The following SGK1 variants were observed in gnomAD, a reference collection of about 807,000 sequenced individuals.
SGK1 encodes the protein serine/threonine-protein kinase Sgk1.
In SGK1, 26 loss-of-function variants were observed where a neutral mutation model predicts 64.2. The ratio of observed to expected loss-of-function variants is 0.40; its 90% CI spans 0.30 to 0.56. The LOEUF is 0.56. Ranked by LOEUF, SGK1 falls within the 20% of genes least tolerant of loss-of-function variation. The probability of loss-of-function intolerance (pLI) is 0.38; values close to 1 mark genes in which losing one functional copy is unlikely to be tolerated. For synonymous variants in SGK1, 265 were observed against 239.7 expected (o/e 1.11, Z -0.98); for missense variants, 519 against 645.6 (o/e 0.80, Z 2.12).
At chr6:134,194,680 C>T (rs1409379626) in intron 3 of SGK1, among the ~76,000 whole-genome samples, 2 of 152,086 alleles carry the variant, frequency 1.3e-5, no homozygotes, top group Non-Finnish European at 2.9e-5. Context: ...CACCACCATA[C>T]CTGGCTAATT....
intron 2 of SGK1, among the ~76,000 whole-genome samples, chr6:134,249,134 T>C (rs771476584): frequency 6.6e-6 from 1 of 152,196 alleles, no homozygotes; most frequent in Non-Finnish European, 1.5e-5. Context: ...ATATTTATCC[T>C]TAACAAGGTC....
chr6:134,213,654 T>TAAATAATAAATAAAC lies in SGK1; in HGVS notation c.286-6224_286-6223insGTTTATTTATTATTT, dbSNP rs1288854967. 9.3e-5 allele frequency among the ~76,000 whole-genome samples: 14 copies of TAAATAATAAATAAAC among 150,286 alleles called. 1 individual carries two copies. The highest frequency in any genetic ancestry group is 7.8e-4 in the East Asian group (4 of 5,136). ...AATAAATAAATAAATAATAAATAAATAAAATGTCCTCATGAAACACCTGTG... is the reference window on the plus strand; with the variant it reads ...AATAAATAAATAAATAATAAATAAATAAATAATAAATAAACAAAATGTCCTCATGAAACACCTGTG... On this transcript the variant is annotated intron_variant, in intron 2 of 13. Coordinates refer to ENST00000367858, the MANE Select transcript of SGK1 (RefSeq NM_001143676.3).
chr6:134,174,095 G>C lies in SGK1; in HGVS notation c.438-15C>G. Reference sequence around the variant, plus strand: ...GAACTTCAGGGCTGCAGGGAATAAAGGGCACGATTTAGAATCCAGCTCGCC... The same window carrying C: ...GAACTTCAGGGCTGCAGGGAATAAACGGCACGATTTAGAATCCAGCTCGCC... On this transcript the variant is annotated splice_polypyrimidine_tract_variant and intron_variant, in intron 4 of 13. Coordinates refer to ENST00000367858, the MANE Select transcript of SGK1 (RefSeq NM_001143676.3). 1.2e-6 allele frequency: 2 copies of C among 1,606,032 alleles called. No individual in the cohort carries two copies. The highest frequency in any genetic ancestry group is 8.5e-7 in the Non-Finnish European group (1 of 1,175,554).
intron 1 of SGK1, among the ~76,000 whole-genome samples, chr6:134,310,648 C>A (rs1010564317): frequency 6.6e-6 from 1 of 152,194 alleles, no homozygotes; most frequent in Non-Finnish European, 1.5e-5. Context: ...AGTACAATGG[C>A]GTGATCTTGG....
At chr6:134,263,677 AT>A (rs1417508576) in intron 1 of SGK1, among the ~76,000 whole-genome samples, 1 of 152,200 alleles carries the variant, frequency 6.6e-6, no homozygotes, top group Non-Finnish European at 1.5e-5. Flanking sequence ...GTATAAAGCT[AT>A]TCTAATATTA....
chr6:134,274,747 C>T (rs1050655673), intron 1 of SGK1, among the ~76,000 whole-genome samples: 3 of 150,398 alleles, frequency 2.0e-5, no homozygotes, highest in African/African-American at 7.3e-5. Flanking sequence ...TGTATCTTCT[C>T]GATTCCTAAA....
intron 3 of SGK1, among the ~76,000 whole-genome samples, chr6:134,196,997 C>G (rs780414299): frequency 6.6e-6 from 1 of 152,154 alleles, no homozygotes; most frequent in Non-Finnish European, 1.5e-5. Flanking sequence ...CTTCAGGAGG[C>G]TGAGGCGGAC....
Position 134,170,402 on chromosome 6 carries a change from C to A in SGK1, c.1447G>T (p.Glu483Ter). 6.2e-7 allele frequency: 1 copy of A among 1,613,720 alleles called. No individual in the cohort carries two copies. Among genetic ancestry groups the A allele is most frequent in the Non-Finnish European group, 8.5e-7 (1 of 1,179,786 alleles). Reference protein sequence around the residue: ...GPNDLRHFDPEFTEEPVPNSI... With the variant: ...GPNDLRHFDP ...TTGGGGACAGGCTCTTCGGTAAACT[C>A]GGGGTCAAAGTGCCGTAGGTCGTTG... Residue 483 changes from glutamate (E) to a stop codon, truncating the protein, a stop_gained, in exon 14 of 14, where the codon GAG becomes TAG. Coordinates refer to ENST00000367858, the MANE Select transcript of SGK1 (RefSeq NM_001143676.3). LOFTEE classifies it high-confidence loss of function.
chr6:134,229,990 A>G (rs558766782), intron 2 of SGK1, among the ~76,000 whole-genome samples: 1 of 152,354 alleles, frequency 6.6e-6, no homozygotes, highest in East Asian at 1.9e-4. Flanking sequence ...TATGCAAAAA[A>G]TAAAATAAAT....
intron 2 of SGK1, among the ~76,000 whole-genome samples, chr6:134,226,148 A>C (rs909229436): frequency 1.3e-5 from 2 of 151,588 alleles, no homozygotes; most frequent in Non-Finnish European, 2.9e-5. Flanking sequence ...GAAGGAAGGA[A>C]GGAAGAAGAA....
intron 1 of SGK1, among the ~76,000 whole-genome samples, chr6:134,299,622 T>C (rs1777415658): frequency 6.6e-6 from 1 of 152,036 alleles, no homozygotes; most frequent in South Asian, 2.1e-4. Context: ...TGACATACAG[T>C]AAAACTCATA....
chr6:134,264,158 G>A (rs1342923187), intron 1 of SGK1, among the ~76,000 whole-genome samples: 1 of 138,546 alleles, frequency 7.2e-6, no homozygotes, highest in Non-Finnish European at 1.5e-5. Flanking sequence ...TCGCTCTGTT[G>A]CCCCTGGCTG....
intron 3 of SGK1, among the ~76,000 whole-genome samples, chr6:134,178,432 G>A (rs1050443627): frequency 1.3e-4 from 20 of 152,152 alleles, no homozygotes; most frequent in Admixed American, 1.3e-3. Context: ...AGGGGGAGAC[G>A]GGGGAGCTGT....
chr6:134,184,720 G>A (rs372255838), intron 3 of SGK1, among the ~76,000 whole-genome samples: 1 of 152,054 alleles, frequency 6.6e-6, no homozygotes, highest in Non-Finnish European at 1.5e-5. Flanking sequence ...GTCTTGTTCT[G>A]TCCCGCAGTC....
chr6:134,192,575 A>G (rs926189967), intron 3 of SGK1, among the ~76,000 whole-genome samples: 1 of 150,920 alleles, frequency 6.6e-6, no homozygotes, highest in Admixed American at 6.6e-5. Context: ...TCGTCTTCCT[A>G]CCTCCCTCCC....
At chr6:134,235,836 A>C (rs1461769710) in intron 2 of SGK1, among the ~76,000 whole-genome samples, 1 of 152,082 alleles carries the variant, frequency 6.6e-6, no homozygotes, top group East Asian at 1.9e-4. Flanking sequence ...CGGTCTCCCA[A>C]AGTGCTGGGA....
chr6:134,171,224 A>G (rs1775012386), intron 11 of SGK1, 46 bp from the exon 12 acceptor site: 2 of 1,547,536 alleles, frequency 1.3e-6, no homozygotes, highest in Non-Finnish European at 1.8e-6. Context: ...GAAGTTTCAT[A>G]TGGCACACAT....
At chr6:134,189,737 G>A (rs1763504) in intron 3 of SGK1, among the ~76,000 whole-genome samples, 83,487 of 152,096 alleles carry the variant, frequency 0.55, 23,603 homozygotes, top group African/African-American at 0.61. Context: ...ATTATATACT[G>A]ACATAAATCC....
At position 134,172,653 on chromosome 6, in the gene SGK1, C is replaced by CAGGCTT; in HGVS notation, c.947+3_947+8dup. The CAGGCTT allele has an allele frequency of 6.4e-7, 1 of 1,571,008 alleles. No individual in the cohort carries two copies. Among genetic ancestry groups the CAGGCTT allele is most frequent in the Non-Finnish European group, 8.8e-7 (1 of 1,140,566 alleles). On this transcript the variant is annotated intron_variant, in intron 9 of 13. Coordinates refer to ENST00000367858, the MANE Select transcript of SGK1 (RefSeq NM_001143676.3). ...CAAAACTGGTAGCCTGAAGAGCTCTCAGGCTTACCTATAAACGATGTTCAG... is the reference window on the plus strand; with the variant it reads ...CAAAACTGGTAGCCTGAAGAGCTCTCAGGCTTAGGCTTACCTATAAACGATGTTCAG...
Sources: allele counts gnomAD v4.1 joint callset (sites outside exome capture counted in the v4.1 genomes callset), GRCh38; gene constraint gnomAD v4.1.1; transcripts MANE v1.5; gene names NCBI Gene and HGNC (gene_info 2026-07-23, HGNC 2026-07-21).